The following DGKB variants were observed in gnomAD, a reference collection of about 807,000 sequenced individuals.
The protein encoded by DGKB is diacylglycerol kinase beta.
Under a neutral mutation model 114.3 loss-of-function variants are expected in DGKB, and 67 were observed. The ratio of observed to expected loss-of-function variants is 0.59; its 90% CI spans 0.48 to 0.72. The LOEUF is 0.72. DGKB is among the 30% of genes least tolerant of loss of function. DGKB has a pLI of 0.00. For missense variants in DGKB, 907 were observed against 975.2 expected (o/e 0.93, Z 0.93); for synonymous variants, 398 against 323.1 (o/e 1.23, Z -2.49).
intron 21 of DGKB, among the ~76,000 whole-genome samples, chr7:14,470,398 G>A (rs934070777): frequency 3.3e-5 from 5 of 151,812 alleles, no homozygotes; most frequent in Non-Finnish European, 7.4e-5. Context: ...AAAAAATTCA[G>A]TCTACAATAA....
chr7:14,236,332 C>A (rs1584634808), intron 23 of DGKB, among the ~76,000 whole-genome samples: 2 of 130,300 alleles, frequency 1.5e-5, no homozygotes, highest in East Asian at 4.1e-4. Flanking sequence ...GGAGAGTATT[C>A]ATTCCAATTA....
chr7:14,464,758 G>A (rs1206309535), intron 21 of DGKB, among the ~76,000 whole-genome samples: 2 of 152,166 alleles, frequency 1.3e-5, no homozygotes, highest in African/African-American at 4.8e-5. Context: ...GCTGAGAAAT[G>A]AACTGCCAAA....
At chr7:14,656,928 T>C (rs889444151) in intron 13 of DGKB, among the ~76,000 whole-genome samples, 2 of 151,726 alleles carry the variant, frequency 1.3e-5, no homozygotes, top group African/African-American at 4.8e-5. Flanking sequence ...ATTATACACG[T>C]TCTACATAAT....
intron 21 of DGKB, among the ~76,000 whole-genome samples, chr7:14,371,625 T>A (rs1817669872): frequency 6.6e-6 from 1 of 152,182 alleles, no homozygotes; most frequent in South Asian, 2.1e-4. Context: ...GTCTATTTAC[T>A]CCCATCCTGT....
intron 20 of DGKB, among the ~76,000 whole-genome samples, chr7:14,491,308 C>G (rs191644415): frequency 6.6e-6 from 1 of 152,050 alleles, no homozygotes; most frequent in Admixed American, 6.6e-5. Flanking sequence ...TCACTTGGCT[C>G]TCATATTCTC....
At chr7:14,580,747 C>T (rs968844688) in intron 19 of DGKB, 115 bp downstream of exon 19, 17 of 637,008 alleles carry the variant, frequency 2.7e-5, no homozygotes, top group Non-Finnish European at 4.3e-5. Flanking sequence ...ATATATACCA[C>T]ATCAGTTATC....
intron 21 of DGKB, 72 bp from the exon 22 acceptor site, chr7:14,345,463 C>T: frequency 2.7e-6 from 2 of 752,470 alleles, no homozygotes; most frequent in Non-Finnish European, 4.4e-6. Flanking sequence ...AATGGTCTAA[C>T]TCTGTCTTGT....
At chr7:14,885,463 A>G (rs1350725052) in intron 1 of DGKB, among the ~76,000 whole-genome samples, 1 of 151,944 alleles carries the variant, frequency 6.6e-6, no homozygotes, top group East Asian at 1.9e-4. Context: ...GCTCCTGGAA[A>G]GATGGAAGAA....
chr7:14,632,350 G>A (rs1341084973), intron 13 of DGKB, among the ~76,000 whole-genome samples: 1 of 151,620 alleles, frequency 6.6e-6, no homozygotes, highest in Non-Finnish European at 1.5e-5. Flanking sequence ...GTGATGTGGT[G>A]TTAGGCTATG....
intron 20 of DGKB, among the ~76,000 whole-genome samples, chr7:14,502,991 T>G (rs946915187): frequency 6.6e-5 from 10 of 152,072 alleles, no homozygotes; most frequent in African/African-American, 2.4e-4. Flanking sequence ...CTAGACAGCT[T>G]AACATTTGAG....
intron 25 of DGKB, among the ~76,000 whole-genome samples, chr7:14,168,497 T>G (rs1269293412): frequency 6.6e-6 from 1 of 152,086 alleles, no homozygotes; most frequent in African/African-American, 2.4e-5. Flanking sequence ...AAGAAACCCA[T>G]GCCCAGACTC....
chr7:14,454,097 T>G (rs999336239), intron 21 of DGKB, among the ~76,000 whole-genome samples: 6 of 152,266 alleles, frequency 3.9e-5, no homozygotes, highest in East Asian at 1.9e-4. Context: ...CAAGTCAGCC[T>G]AATTGGAATA....
At chr7:14,890,451 T>C (rs938025304) in intron 1 of DGKB, among the ~76,000 whole-genome samples, 2 of 151,402 alleles carry the variant, frequency 1.3e-5, no homozygotes, top group Non-Finnish European at 3.0e-5. Flanking sequence ...TTAGATAATA[T>C]TTACTTCCAT....
intron 12 of DGKB, among the ~76,000 whole-genome samples, chr7:14,678,149 T>A (rs1338077105): frequency 6.6e-6 from 1 of 152,054 alleles, no homozygotes. Context: ...GAGATTAAAG[T>A]GATCTTACTG....
intron 23 of DGKB, among the ~76,000 whole-genome samples, chr7:14,302,737 T>G (rs997219976): frequency 7.9e-5 from 12 of 152,132 alleles, no homozygotes; most frequent in Non-Finnish European, 1.6e-4. Flanking sequence ...AATTGACAAC[T>G]GAAAACCCAA....
chr7:14,963,301 C>T (rs1298194967), intron 1 of DGKB, among the ~76,000 whole-genome samples: 2 of 152,090 alleles, frequency 1.3e-5, no homozygotes, highest in Non-Finnish European at 2.9e-5. Context: ...TACACAAATA[C>T]ACAAAATGTA....
chr7:14,180,453 A>C (rs1386036954), intron 23 of DGKB, among the ~76,000 whole-genome samples: 2 of 152,152 alleles, frequency 1.3e-5, no homozygotes, highest in Non-Finnish European at 2.9e-5. Flanking sequence ...GCTGTTAATA[A>C]TCAGTAATGA....
chr7:14,240,841 A>G (rs541364769), intron 23 of DGKB, among the ~76,000 whole-genome samples: 1 of 152,230 alleles, frequency 6.6e-6, no homozygotes, highest in East Asian at 1.9e-4. Flanking sequence ...CTATTAAAAT[A>G]TATATATTTA....
intron 1 of DGKB, among the ~76,000 whole-genome samples, chr7:14,898,081 T>C (rs1441120217): frequency 2.6e-5 from 4 of 152,042 alleles, no homozygotes; most frequent in South Asian, 2.1e-4. Context: ...AGTGGAACCA[T>C]ATAGAAAGAC....
Sources: gnomAD v4.1 joint callset for allele counts (sites outside exome capture counted in the v4.1 genomes callset) on GRCh38, gnomAD v4.1.1 for gene constraint, MANE v1.5 for transcripts, NCBI Gene and HGNC (gene_info 2026-07-23, HGNC 2026-07-21) for gene names.